The following XKR6 variants were observed in gnomAD, a reference collection of about 807,000 sequenced individuals.
XKR6 encodes XK related 6.
A neutral mutation model predicts 56.7 loss-of-function variants in XKR6; 22 were observed. That is an observed-to-expected ratio of 0.39 (90% CI 0.28 to 0.55). The LOEUF is 0.55. Ranked by LOEUF, XKR6 falls within the 20% of genes least tolerant of loss-of-function variation. The probability of loss-of-function intolerance (pLI) is 0.66; values close to 1 mark genes in which losing one functional copy is unlikely to be tolerated. For synonymous variants in XKR6, 524 were observed against 387.8 expected, an observed-to-expected ratio of 1.35 and a Z score of -4.13; for missense variants, 852 against 889.0, an observed-to-expected ratio of 0.96 and a Z score of 0.53.
chr8:10,918,586 G>T (rs370574437), intron 2 of XKR6, among the ~76,000 whole-genome samples: 1 of 152,182 alleles, frequency 6.6e-6, no homozygotes, highest in African/African-American at 2.4e-5. Context: ...CCTTGCTTAT[G>T]GGCACAGGTT....
At chr8:11,172,079 C>A (rs561444399) in intron 1 of XKR6, among the ~76,000 whole-genome samples, 32 of 151,898 alleles carry the variant, frequency 2.1e-4, no homozygotes, top group African/African-American at 7.5e-4. Context: ...AAAAAAGTTA[C>A]CCAGTCTCAG....
intron 1 of XKR6, among the ~76,000 whole-genome samples, chr8:11,089,287 G>A (rs1460352325): frequency 1.3e-5 from 2 of 152,202 alleles, no homozygotes; most frequent in African/African-American, 4.8e-5. Flanking sequence ...TGCATGGGAT[G>A]AAAGCAATAT....
chr8:11,150,979 T>C (rs1801241714), intron 1 of XKR6, among the ~76,000 whole-genome samples: 1 of 152,184 alleles, frequency 6.6e-6, no homozygotes, highest in Non-Finnish European at 1.5e-5. Flanking sequence ...CTGAATGCTA[T>C]TTTGTGCTAT....
intron 1 of XKR6, among the ~76,000 whole-genome samples, chr8:11,070,509 G>C (rs187991724): frequency 3.9e-4 from 60 of 152,286 alleles, no homozygotes; most frequent in Admixed American, 2.9e-3. Flanking sequence ...GCAAAATAAA[G>C]AAACACAAAA....
intron 1 of XKR6, among the ~76,000 whole-genome samples, chr8:11,130,752 T>A (rs548475201): frequency 1.3e-5 from 2 of 151,902 alleles, no homozygotes; most frequent in Non-Finnish European, 2.9e-5. Context: ...AAATAAGAAG[T>A]ACGACAGATG....
chr8:11,075,358 A>G (rs2409689), intron 1 of XKR6, among the ~76,000 whole-genome samples: 84,255 of 151,932 alleles, frequency 0.55, 25,880 homozygotes, highest in African/African-American at 0.79. Flanking sequence ...TCTTCTGCCA[A>G]TGAAGCTCCT....
At chr8:11,169,727 C>G (rs185547199) in intron 1 of XKR6, among the ~76,000 whole-genome samples, 1 of 152,172 alleles carries the variant, frequency 6.6e-6, no homozygotes, top group Non-Finnish European at 1.5e-5. Context: ...TTGCACAACA[C>G]TGTGAATCTA....
chr8:10,931,671 T>C (rs1393946773), intron 1 of XKR6, among the ~76,000 whole-genome samples: 2 of 152,264 alleles, frequency 1.3e-5, no homozygotes, highest in East Asian at 3.9e-4. Context: ...CAACAAATGA[T>C]GTAGTAATAA....
At chr8:11,025,231 C>T (rs943375748) in intron 1 of XKR6, among the ~76,000 whole-genome samples, 52 of 152,176 alleles carry the variant, frequency 3.4e-4, no homozygotes, top group African/African-American at 1.2e-3. Flanking sequence ...TACTCATGTC[C>T]GCCAGATTCA....
Position 11,085,439 on chromosome 8 carries a change from G to GGTGT in XKR6, c.764+115133_764+115136dup, listed in dbSNP as rs142775403. Among the ~76,000 whole-genome samples, 148 of 151,198 alleles carry GGTGT rather than the reference G, an allele frequency of 9.8e-4. 1 individual carries two copies. The East Asian group carries it at 0.023, about 23-fold the overall frequency. ...GTGTATGCTTGTCAGAGGTGAAAGA[G>GGTGT]GTGTGTGTGTGTGTGTGTATGTATG... On this transcript the variant is annotated intron_variant, in intron 1 of 2. Transcript: ENST00000416569.
rs1014659192 is a variant in XKR6, at chr8:10,916,920, T to C, written c.961+7714A>G. On this transcript the variant is annotated intron_variant, in intron 2 of 2. Coordinates refer to ENST00000416569, the MANE Select transcript of XKR6 (RefSeq NM_173683.4). ...ATATAAAAGGAGCCTGCAAGTGAAG[T>C]TGAGAAAGAAGAAAACTAGCAAGGA... Among the ~76,000 whole-genome samples the C allele has an allele frequency of 3.3e-5, 5 of 152,172 alleles. No individual in the cohort carries two copies. The East Asian group carries it at 7.7e-4, about 23-fold the overall frequency.
At chr8:11,012,447 A>C (rs1217470725) in intron 1 of XKR6, among the ~76,000 whole-genome samples, 2 of 152,362 alleles carry the variant, frequency 1.3e-5, no homozygotes, top group East Asian at 3.9e-4. Flanking sequence ...GCAGGAGTTC[A>C]ATAACTGTTA....
chr8:10,906,399 C>A (rs1800191651), intron 2 of XKR6, among the ~76,000 whole-genome samples: 1 of 152,202 alleles, frequency 6.6e-6, no homozygotes, highest in Non-Finnish European at 1.5e-5. Flanking sequence ...TGCTGTACTC[C>A]TAGATGTGGT....
intron 1 of XKR6, among the ~76,000 whole-genome samples, chr8:11,165,994 C>G (rs1802052614): frequency 6.8e-6 from 1 of 147,294 alleles, no homozygotes; most frequent in Admixed American, 6.8e-5. Flanking sequence ...CTCACTCTGT[C>G]ACCCAGACTG....
Position 10,959,358 on chromosome 8 carries a change from T to C in XKR6, c.765-34528A>G, listed in dbSNP as rs1330068349. On this transcript the variant is annotated intron_variant, in intron 1 of 2. Coordinates refer to ENST00000416569, the MANE Select transcript of XKR6 (RefSeq NM_173683.4). ...TCTGGGCATAGGAGAAATGGGTAGA[T>C]GTTATAGGGAGACTGGTTTTGGCCA... 2.6e-5 allele frequency among the ~76,000 whole-genome samples: 4 copies of C among 152,292 alleles called. No homozygotes were observed. The East Asian group carries it at 7.7e-4, about 29-fold the overall frequency.
At position 10,909,023 on chromosome 8, in the gene XKR6, G is replaced by A. The variant is rs535936580; in HGVS notation, c.962-10107C>T. 6.0e-4 allele frequency among the ~76,000 whole-genome samples: 91 copies of A among 152,256 alleles called. 1 individual carries two copies. The highest frequency in any genetic ancestry group is 1.4e-3 in the Admixed American group (22 of 15,288). On this transcript the variant is annotated intron_variant, in intron 2 of 2. Coordinates refer to ENST00000416569, the MANE Select transcript of XKR6 (RefSeq NM_173683.4). ...CTACTAAAAATACAAAAATTTAGCC[G>A]GGTGTGGTGGCACGCACCTGTAGTC...
intron 1 of XKR6, among the ~76,000 whole-genome samples, chr8:11,044,319 C>T (rs764824112): frequency 6.6e-6 from 1 of 152,236 alleles, no homozygotes; most frequent in Non-Finnish European, 1.5e-5. Context: ...ATTCCCCCTT[C>T]ATGAATATTC....
intron 1 of XKR6, among the ~76,000 whole-genome samples, chr8:10,992,124 T>C (rs1283523205): frequency 6.6e-6 from 1 of 152,202 alleles, no homozygotes; most frequent in Non-Finnish European, 1.5e-5. Flanking sequence ...TGGAAATCTA[T>C]AAATAGCAGC....
intron 1 of XKR6, among the ~76,000 whole-genome samples, chr8:11,053,559 T>A (rs1020061048): frequency 2.6e-5 from 4 of 152,242 alleles, no homozygotes; most frequent in Non-Finnish European, 5.9e-5. Context: ...CAGCAGGTGC[T>A]GCGCCTCCTG....
Sources: allele counts gnomAD v4.1 joint callset (sites outside exome capture counted in the v4.1 genomes callset), GRCh38; gene constraint gnomAD v4.1.1; transcripts MANE v1.5; gene names NCBI Gene and HGNC (gene_info 2026-07-23, HGNC 2026-07-21).